The following FAM135A variants were observed in gnomAD, a reference collection of about 807,000 sequenced individuals.
FAM135A encodes the protein family with sequence similarity 135 member A, also known as protein FAM135A.
A neutral mutation model predicts 146.8 loss-of-function variants in FAM135A; 79 were observed. That is an observed-to-expected ratio of 0.54 (90% CI 0.45 to 0.65). FAM135A has a LOEUF of 0.65. Among genes scored for constraint, FAM135A ranks in the 30% least tolerant of loss-of-function variants. The pLI is 0.00. For missense variants in FAM135A, 1,623 were observed against 1,758.2 expected, an observed-to-expected ratio of 0.92 and a Z score of 1.38; for synonymous variants, 562 against 603.6, an observed-to-expected ratio of 0.93 and a Z score of 1.01.
chr6:70,428,807 A>C (rs759557927), intron 4 of FAM135A, among the ~76,000 whole-genome samples: 1 of 152,226 alleles, frequency 6.6e-6, no homozygotes, highest in Non-Finnish European at 1.5e-5. Flanking sequence ...TGTATCAGTG[A>C]ATGTAGTTTT....
In FAM135A at chr6:70,559,582, TA is replaced by T. The variant is rs1801574364; in HGVS notation, c.4343-129del. ...TAGTTGAAGGAAAATTAAACCTTTT[TA>T]AAAAGAGCCATTTTTCTGCTTTATA... On this transcript the variant is annotated intron_variant, in intron 21 of 21. Coordinates refer to ENST00000418814, the MANE Select transcript of FAM135A (RefSeq NM_001162529.3). 9.0e-6 allele frequency: 6 copies of T among 664,686 alleles called. No individual in the cohort carries two copies. In the East Asian group the frequency reaches 1.8e-4, roughly 19 times the overall value. 41.2% of individuals were successfully genotyped at this position (664,686 alleles called of 1,614,324 possible).
At chr6:70,489,499 C>T (rs532948952) in intron 10 of FAM135A, among the ~76,000 whole-genome samples, 1 of 152,220 alleles carries the variant, frequency 6.6e-6, no homozygotes, top group East Asian at 1.9e-4. Context: ...GTACAGCGTC[C>T]TTGATTCTTG....
intron 12 of FAM135A, among the ~76,000 whole-genome samples, chr6:70,519,998 A>T (rs1431564377): frequency 6.6e-6 from 1 of 152,118 alleles, no homozygotes; most frequent in African/African-American, 2.4e-5. Context: ...AAATGCCAGG[A>T]TATTGGAATA....
intron 11 of FAM135A, among the ~76,000 whole-genome samples, 169 bp from the exon 12 acceptor site, chr6:70,502,467 C>A (rs926305785): frequency 1.3e-5 from 2 of 152,084 alleles, no homozygotes; most frequent in Admixed American, 1.3e-4. Context: ...AAGTAAAAAA[C>A]CATTGTTAAT....
At chr6:70,455,223 CTCTG>C (rs1346111437) in intron 5 of FAM135A, among the ~76,000 whole-genome samples, 3 of 152,206 alleles carry the variant, frequency 2.0e-5, no homozygotes, top group South Asian at 2.1e-4. Flanking sequence ...TGATTTGGCT[CTCTG>C]TCTGTTATTG....
intron 10 of FAM135A, among the ~76,000 whole-genome samples, chr6:70,483,251 A>C (rs975621634): frequency 6.6e-6 from 1 of 152,230 alleles, no homozygotes; most frequent in African/African-American, 2.4e-5. Flanking sequence ...CTATTCAGTC[A>C]GTTCAACTCA....
chr6:70,533,367 A>G, intron 17 of FAM135A, 116 bp downstream of exon 17: 1 of 669,310 alleles, frequency 1.5e-6, no homozygotes, highest in Non-Finnish European at 2.5e-6. Flanking sequence ...GATTTCTATG[A>G]AATTTAATAT....
chr6:70,427,254 G>A (rs563638336), intron 3 of FAM135A, among the ~76,000 whole-genome samples: 34 of 152,148 alleles, frequency 2.2e-4, no homozygotes, highest in African/African-American at 6.5e-4. Context: ...ATTAATGGCC[G>A]GGGGCGGTGG....
At chr6:70,509,063 TC>T (rs1790435466) in intron 12 of FAM135A, among the ~76,000 whole-genome samples, 1 of 152,104 alleles carries the variant, frequency 6.6e-6, no homozygotes, top group South Asian at 2.1e-4. Context: ...GCAAAAAAAA[TC>T]CAAGTTGATA....
intron 5 of FAM135A, among the ~76,000 whole-genome samples, chr6:70,466,931 T>C (rs1000706059): frequency 2.0e-5 from 3 of 152,290 alleles, no homozygotes; most frequent in East Asian, 3.9e-4. Context: ...CACTGTAGAT[T>C]AGCTAAGGAA....
intron 15 of FAM135A, among the ~76,000 whole-genome samples, chr6:70,526,979 A>C (rs1200340470): frequency 6.6e-6 from 1 of 152,034 alleles, no homozygotes; most frequent in East Asian, 1.9e-4. Context: ...GCTGTTCTAT[A>C]GGATAGACAT....
Position 70,415,304 on chromosome 6 carries a change from C to T in FAM135A, c.-206C>T, listed in dbSNP as rs1767315676. 6.6e-6 allele frequency: 1 copy of T among 152,098 alleles called. No homozygotes were observed. Among genetic ancestry groups the T allele is most frequent in the South Asian group, 2.1e-4 (1 of 4,830 alleles). 9.4% of individuals were successfully genotyped at this position (152,098 alleles called of 1,614,324 possible). On this transcript the variant is annotated 5_prime_UTR_variant, in exon 2 of 22. Transcript: ENST00000418814. ...TCTTTATTGTAGGGTTGAAGATCAA[C>T]TGGATTATGTATTTGGTTCTGGAAT...
chr6:70,531,833 C>G (rs1207902138), intron 16 of FAM135A, among the ~76,000 whole-genome samples: 3 of 144,936 alleles, frequency 2.1e-5, no homozygotes, highest in African/African-American at 7.6e-5. Context: ...GATGTTTGTT[C>G]TTGCTTCCAT....
chr6:70,425,817 C>T (rs538664958), intron 2 of FAM135A, among the ~76,000 whole-genome samples: 15 of 152,262 alleles, frequency 9.9e-5, no homozygotes, highest in African/African-American at 3.1e-4. Context: ...AATTAATGAG[C>T]TTAGGGCCGG....
intron 12 of FAM135A, among the ~76,000 whole-genome samples, chr6:70,508,891 A>T (rs952980786): frequency 6.6e-6 from 1 of 152,188 alleles, no homozygotes; most frequent in Non-Finnish European, 1.5e-5. Flanking sequence ...TGTTTTACAT[A>T]TTTCTGTATG....
At chr6:70,529,408 T>A (rs537444265) in intron 16 of FAM135A, among the ~76,000 whole-genome samples, 1 of 149,134 alleles carries the variant, frequency 6.7e-6, no homozygotes, top group Non-Finnish European at 1.5e-5. Context: ...TCCCTGGTAC[T>A]AAATTGTCAT....
intron 5 of FAM135A, among the ~76,000 whole-genome samples, chr6:70,473,954 G>C (rs555254689): frequency 6.6e-6 from 1 of 152,236 alleles, no homozygotes; most frequent in East Asian, 1.9e-4. Flanking sequence ...TTCCCTTGTG[G>C]TTGCCCTGTT....
chr6:70,427,669 C>T (rs1770507642), intron 3 of FAM135A, among the ~76,000 whole-genome samples: 1 of 151,910 alleles, frequency 6.6e-6, no homozygotes, highest in African/African-American at 2.4e-5. Flanking sequence ...TACAAATGCA[C>T]ACACATGAAG....
chr6:70,532,804 C>T (rs938843469), intron 16 of FAM135A, among the ~76,000 whole-genome samples: 7 of 152,070 alleles, frequency 4.6e-5, no homozygotes, highest in African/African-American at 1.7e-4. Flanking sequence ...TGGTGGGATG[C>T]ACCTGTAGTC....
Sources: gnomAD v4.1 joint callset for allele counts (sites outside exome capture counted in the v4.1 genomes callset) on GRCh38, gnomAD v4.1.1 for gene constraint, MANE v1.5 for transcripts, NCBI Gene and HGNC (gene_info 2026-07-23, HGNC 2026-07-21) for gene names.